The following FGGY variants were observed in gnomAD, a reference collection of about 807,000 sequenced individuals.
FGGY encodes FGGY carbohydrate kinase domain containing, also known as FGGY carbohydrate kinase domain-containing protein.
In FGGY, 72 loss-of-function variants were observed where a neutral mutation model predicts 71.3. That is an observed-to-expected ratio of 1.01 (90% CI 0.84 to 1.23). The LOEUF is 1.23. FGGY is among the 50% of genes most tolerant of loss of function. The probability of loss-of-function intolerance (pLI) is 0.00; values close to 1 mark genes in which losing one functional copy is unlikely to be tolerated. For missense variants in FGGY, 668 were observed against 682.3 expected (o/e 0.98, Z 0.23); for synonymous variants, 251 against 250.3 (o/e 1.00, Z -0.02).
At chr1:59,539,486 C>A (rs1434438998) in intron 7 of FGGY, among the ~76,000 whole-genome samples, 1 of 152,106 alleles carries the variant, frequency 6.6e-6, no homozygotes. Flanking sequence ...GCAAAGATGC[C>A]GTTGCCAGAG....
At chr1:59,449,897 G>T (rs1417495563) in intron 5 of FGGY, among the ~76,000 whole-genome samples, 2 of 152,126 alleles carry the variant, frequency 1.3e-5, no homozygotes, top group Admixed American at 6.5e-5. Flanking sequence ...TTAAGCTCAG[G>T]AGTTAAAGGC....
At chr1:59,564,874 C>G (rs550590168) in intron 8 of FGGY, among the ~76,000 whole-genome samples, 76 of 152,298 alleles carry the variant, frequency 5.0e-4, no homozygotes, top group African/African-American at 1.8e-3. Flanking sequence ...GAACAAAAGC[C>G]TTTAGGGGGA....
At chr1:59,343,821 A>T (rs940386402) in intron 3 of FGGY, among the ~76,000 whole-genome samples, 2 of 152,188 alleles carry the variant, frequency 1.3e-5, no homozygotes, top group Non-Finnish European at 2.9e-5. Flanking sequence ...GAGCATCTTT[A>T]TGTAGAGGCA....
intron 11 of FGGY, among the ~76,000 whole-genome samples, chr1:59,655,623 T>C (rs1381783235): frequency 6.6e-6 from 1 of 152,220 alleles, no homozygotes; most frequent in Non-Finnish European, 1.5e-5. Context: ...TTTTTATGGC[T>C]GTGTAGTAGT....
chr1:59,636,387 C>T (rs1000137549), intron 10 of FGGY, among the ~76,000 whole-genome samples: 2 of 152,110 alleles, frequency 1.3e-5, no homozygotes, highest in East Asian at 1.9e-4. Context: ...TTTGGGAGGC[C>T]GAGGTGGGCA....
chr1:59,667,293 G>T lies in FGGY; in HGVS notation c.1307G>T (p.Arg436Leu). 2 of 1,613,982 alleles carry T rather than the reference G, an allele frequency of 1.2e-6. No individual in the cohort carries two copies. Among genetic ancestry groups the T allele is most frequent in the Non-Finnish European group, 1.7e-6 (2 of 1,179,974 alleles). Residue 436 changes from arginine (R) to leucine (L), a missense_variant, in exon 13 of 16, where the codon CGC becomes CTC. Physicochemically the swap from Arg to Leu is moderately radical, Grantham distance 102 (BLOSUM62 -2). Coordinates refer to ENST00000303721, the MANE Select transcript of FGGY (RefSeq NM_018291.5). ...GCTTTTCCTTTCAAGTTGGGGACTC[G>T]CTTCATTATAGAAGCCATGGAGGCA... is the stretch of plus-strand genomic sequence containing the variant. Reference protein sequence around the residue: ...ATVQAIALGTRFIIEAMEAAG... With the variant: ...ATVQAIALGTLFIIEAMEAAG...
At chr1:59,639,484 T>C (rs1007521042) in intron 11 of FGGY, among the ~76,000 whole-genome samples, 24 of 152,150 alleles carry the variant, frequency 1.6e-4, no homozygotes, top group African/African-American at 5.3e-4. Flanking sequence ...TGTCCTTTTT[T>C]ATAGAGGCAG....
chr1:59,662,808 A>G (rs1226055799), intron 12 of FGGY, among the ~76,000 whole-genome samples: 2 of 152,118 alleles, frequency 1.3e-5, no homozygotes, highest in Non-Finnish European at 2.9e-5. Context: ...GTGGAAGTAC[A>G]CTCTATGATG....
intron 14 of FGGY, among the ~76,000 whole-genome samples, chr1:59,753,016 G>T (rs1214758841): frequency 2.0e-5 from 3 of 152,110 alleles, no homozygotes; most frequent in Non-Finnish European, 2.9e-5. Flanking sequence ...AGCTTTCATT[G>T]TGTGGGCAAA....
chr1:59,298,304 C>G (rs2042266735), intron 1 of FGGY, among the ~76,000 whole-genome samples: 1 of 151,598 alleles, frequency 6.6e-6, no homozygotes, highest in East Asian at 1.9e-4. Flanking sequence ...AGTGGGAGGC[C>G]CAGAGCACTG....
intron 8 of FGGY, among the ~76,000 whole-genome samples, chr1:59,558,849 A>T (rs1181948457): frequency 6.6e-6 from 1 of 152,088 alleles, no homozygotes; most frequent in East Asian, 1.9e-4. Flanking sequence ...CCAGGAATGC[A>T]TTCCTTCCCC....
intron 14 of FGGY, among the ~76,000 whole-genome samples, chr1:59,704,559 A>C (rs145075850): frequency 3.3e-5 from 5 of 152,260 alleles, no homozygotes; most frequent in African/African-American, 1.2e-4. Flanking sequence ...GAGGATGAAA[A>C]AGAGATAACT....
intron 8 of FGGY, among the ~76,000 whole-genome samples, chr1:59,586,147 A>G (rs1176036739): frequency 6.6e-6 from 1 of 152,238 alleles, no homozygotes; most frequent in African/African-American, 2.4e-5. Context: ...TGACCCAGCC[A>G]TCCCATCACT....
At chr1:59,739,956 G>C (rs1449033081) in intron 14 of FGGY, among the ~76,000 whole-genome samples, 4 of 152,146 alleles carry the variant, frequency 2.6e-5, no homozygotes, top group African/African-American at 9.7e-5. Flanking sequence ...TATTCCCCCA[G>C]CGCTCTCCTT....
intron 5 of FGGY, among the ~76,000 whole-genome samples, chr1:59,430,351 A>T (rs941179732): frequency 6.6e-6 from 1 of 152,152 alleles, no homozygotes. Flanking sequence ...TTTTGGTCCA[A>T]ACCACCCTGA....
At chr1:59,432,690 C>T (rs1379335596) in intron 5 of FGGY, among the ~76,000 whole-genome samples, 1 of 152,188 alleles carries the variant, frequency 6.6e-6, no homozygotes, top group East Asian at 1.9e-4. Flanking sequence ...TACTCCACCT[C>T]TGTAGTAATG....
chr1:59,344,218 G>T (rs1185436560), intron 3 of FGGY, among the ~76,000 whole-genome samples: 1 of 151,592 alleles, frequency 6.6e-6, no homozygotes, highest in Non-Finnish European at 1.5e-5. Context: ...TGTGGGAGGT[G>T]ATATCTTTCC....
intron 5 of FGGY, among the ~76,000 whole-genome samples, chr1:59,451,273 A>C (rs528516959): frequency 3.9e-5 from 6 of 151,974 alleles, no homozygotes; most frequent in Non-Finnish European, 8.8e-5. Context: ...TATGTATTTC[A>C]AGGAACGTTT....
At chr1:59,629,292 A>G (rs142867828) in intron 10 of FGGY, among the ~76,000 whole-genome samples, 4 of 152,340 alleles carry the variant, frequency 2.6e-5, no homozygotes, top group Admixed American at 1.3e-4. Context: ...TAAGTGACTT[A>G]CATTCTAATA....
Sources: gnomAD v4.1 joint callset for allele counts (sites outside exome capture counted in the v4.1 genomes callset) on GRCh38, gnomAD v4.1.1 for gene constraint, MANE v1.5 for transcripts, NCBI Gene and HGNC (gene_info 2026-07-23, HGNC 2026-07-21) for gene names.